The following RAB11FIP2 variants were observed in gnomAD, a reference collection of about 807,000 sequenced individuals.
The protein encoded by RAB11FIP2 is rab11 family-interacting protein 2.
A neutral mutation model predicts 40.9 loss-of-function variants in RAB11FIP2; 16 were observed. That is an observed-to-expected ratio of 0.39 (90% CI 0.26 to 0.59). The LOEUF is 0.59. Ranked by LOEUF, RAB11FIP2 falls within the 20% of genes least tolerant of loss-of-function variation. The pLI, the probability that RAB11FIP2 is intolerant of heterozygous loss-of-function variation, is 0.53. For missense variants in RAB11FIP2, 532 were observed against 606.2 expected, an observed-to-expected ratio of 0.88 and a Z score of 1.28; for synonymous variants, 228 against 213.7, an observed-to-expected ratio of 1.07 and a Z score of -0.58.
At chr10:118,032,884 C>T (rs374802610) in intron 3 of RAB11FIP2, among the ~76,000 whole-genome samples, 38 of 152,146 alleles carry the variant, frequency 2.5e-4, no homozygotes, top group African/African-American at 4.3e-4. Context: ...GTAGCCATCT[C>T]GGCTATCAGG....
At chr10:118,044,000 A>G (rs1846594974) in intron 1 of RAB11FIP2, among the ~76,000 whole-genome samples, 1 of 152,246 alleles carries the variant, frequency 6.6e-6, no homozygotes, top group African/African-American at 2.4e-5. Context: ...TTTGAATGCA[A>G]TAACATCACA....
At chr10:118,009,279 T>A in intron 4 of RAB11FIP2, 54 bp from the exon 5 acceptor site, 1 of 1,469,542 alleles carries the variant, frequency 6.8e-7, no homozygotes, top group South Asian at 1.2e-5. Flanking sequence ...GGGACAAACA[T>A]TAAGAATTAC....
chr10:118,039,626 A>AT, intron 2 of RAB11FIP2, 186 bp from the exon 3 acceptor site: 1 of 597,936 alleles, frequency 1.7e-6, no homozygotes, highest in South Asian at 2.1e-5. Context: ...ATCGAGGCTG[A>AT]TAACAACTAG....
At chr10:118,039,555 T>A in intron 2 of RAB11FIP2, 115 bp from the exon 3 acceptor site, 1 of 864,522 alleles carries the variant, frequency 1.2e-6, no homozygotes, top group Non-Finnish European at 1.8e-6. Flanking sequence ...CACTTAAATG[T>A]ATTAACCTTC....
chr10:118,040,625 T>C (rs1037960238), intron 1 of RAB11FIP2, 60 bp from the exon 2 acceptor site: 1 of 1,235,996 alleles, frequency 8.1e-7, no homozygotes, highest in Non-Finnish European at 1.1e-6. Context: ...TACTGAGTTC[T>C]GTTACATACA....
Position 118,040,222 on chromosome 10 carries a change from C to T in RAB11FIP2, c.697G>A (p.Gly233Arg). ...SSAHSMSDLS[G>R]SHMSSEKLKA... ...AGTTTCTCAGAAGACATATGGGACC[C>T]AGATAAATCAGACATTGAATGCGCT... The change falls in exon 2 of 5, where the codon GGG becomes AGG. Residue 233 changes from glycine to arginine, a missense_variant. Transcript: ENST00000355624. 6.2e-7 allele frequency: 1 copy of T among 1,613,788 alleles called. No individual in the cohort carries two copies. The highest frequency in any genetic ancestry group is 8.5e-7 in the Non-Finnish European group (1 of 1,179,804).
At chr10:118,026,599 T>C (rs1306759002) in intron 3 of RAB11FIP2, among the ~76,000 whole-genome samples, 2 of 152,224 alleles carry the variant, frequency 1.3e-5, no homozygotes, top group African/African-American at 2.4e-5. Flanking sequence ...AGCCTTTATC[T>C]TTCTTACTAT....
chr10:118,008,953 T>G lies in RAB11FIP2; in HGVS notation c.*45A>C, dbSNP rs753860050. ...AAGTTTTTCCTTCCTTCCTTCTTTC[T>G]TTCTCTCTCTTTGTCCAATTATCAA... On this transcript the variant is annotated 3_prime_UTR_variant, in exon 5 of 5. Transcript: ENST00000355624. 1 of 1,478,364 alleles carries G rather than the reference T, an allele frequency of 6.8e-7. No homozygotes were observed. The allele number at this position is 1,478,364 out of a possible 1,614,324, so 91.6% of individuals were successfully genotyped here.
intron 3 of RAB11FIP2, among the ~76,000 whole-genome samples, chr10:118,030,972 T>C (rs1231671219): frequency 6.6e-6 from 1 of 152,120 alleles, no homozygotes; most frequent in Non-Finnish European, 1.5e-5. Flanking sequence ...GCATACTTCG[T>C]GTTTATAGTC....
chr10:118,039,595 T>G, intron 2 of RAB11FIP2, 155 bp from the exon 3 acceptor site: 2 of 672,388 alleles, frequency 3.0e-6, no homozygotes, highest in South Asian at 3.9e-5. Flanking sequence ...CTTAAAATGC[T>G]AAGGTGTAGC....
intron 3 of RAB11FIP2, among the ~76,000 whole-genome samples, chr10:118,030,056 G>C (rs535173167): frequency 2.0e-5 from 3 of 152,236 alleles, no homozygotes; most frequent in African/African-American, 7.2e-5. Context: ...AATTTTAGCC[G>C]ACAAGTCACA....
In RAB11FIP2 at chr10:118,030,346, G is replaced by A. The variant is rs188644471; in HGVS notation, c.1265+8626C>T. 1.2e-3 allele frequency among the ~76,000 whole-genome samples: 185 copies of A among 152,224 alleles called. 1 individual carries two copies. The highest frequency in any genetic ancestry group is 4.3e-3 in the African/African-American group (179 of 41,560). Reference sequence around the variant, plus strand: ...GAAACCTCAAGAGGGCTTACATGCTGTATCTTATATTTGATCATATCATAA... The same window carrying A: ...GAAACCTCAAGAGGGCTTACATGCTATATCTTATATTTGATCATATCATAA... On this transcript the variant is annotated intron_variant, in intron 3 of 4. Coordinates refer to ENST00000355624, the MANE Select transcript of RAB11FIP2 (RefSeq NM_014904.3).
Position 118,046,174 on chromosome 10 carries a change from TTCTCTGCCCCC to T in RAB11FIP2, c.-22_-12del. 1 of 1,608,758 alleles carries T rather than the reference TTCTCTGCCCCC, an allele frequency of 6.2e-7. No homozygotes were observed. The highest frequency in any genetic ancestry group is 8.5e-7 in the Non-Finnish European group (1 of 1,176,554). Reference sequence around the variant, plus strand: ...CTCGGACAGCATCATCCTGTCCTGTTTCTCTGCCCCCGAGTTCCCTAGCACAGGCAGTGCCC... The same window carrying T: ...CTCGGACAGCATCATCCTGTCCTGTTGAGTTCCCTAGCACAGGCAGTGCCC... On this transcript the variant is annotated 5_prime_UTR_variant, in exon 1 of 5. Coordinates refer to ENST00000355624, the MANE Select transcript of RAB11FIP2 (RefSeq NM_014904.3).
At chr10:118,024,785 A>G (rs1379755611) in intron 3 of RAB11FIP2, among the ~76,000 whole-genome samples, 1 of 152,122 alleles carries the variant, frequency 6.6e-6, no homozygotes. Flanking sequence ...AAGCATCCCA[A>G]GCTGGCTCTG....
At chr10:118,027,905 A>C (rs1038392759) in intron 3 of RAB11FIP2, among the ~76,000 whole-genome samples, 1 of 152,186 alleles carries the variant, frequency 6.6e-6, no homozygotes, top group South Asian at 2.1e-4. Flanking sequence ...TCCATGGTCA[A>C]GATCAAGCTC....
At chr10:118,020,925 T>G (rs1268200280) in intron 3 of RAB11FIP2, among the ~76,000 whole-genome samples, 1 of 152,226 alleles carries the variant, frequency 6.6e-6, no homozygotes, top group African/African-American at 2.4e-5. Context: ...AAATAATTAC[T>G]CATATGAATT....
intron 3 of RAB11FIP2, among the ~76,000 whole-genome samples, chr10:118,027,328 CTAT>C (rs1463293245): frequency 6.6e-6 from 1 of 152,144 alleles, no homozygotes; most frequent in African/African-American, 2.4e-5. Context: ...TCAGAATATC[CTAT>C]TATTAGTATT....
At chr10:118,042,858 T>G (rs1202968282) in intron 1 of RAB11FIP2, among the ~76,000 whole-genome samples, 1 of 152,190 alleles carries the variant, frequency 6.6e-6, no homozygotes. Context: ...CAAAGAACTT[T>G]TACAAATATA....
At chr10:118,038,883 G>T in intron 3 of RAB11FIP2, 89 bp downstream of exon 3, 2 of 858,414 alleles carry the variant, frequency 2.3e-6, no homozygotes, top group Non-Finnish European at 3.5e-6. Context: ...AAAATGACTT[G>T]AAAATATTCT....
Sources: gnomAD v4.1 joint callset for allele counts (sites outside exome capture counted in the v4.1 genomes callset) on GRCh38, gnomAD v4.1.1 for gene constraint, MANE v1.5 for transcripts, NCBI Gene and HGNC (gene_info 2026-07-23, HGNC 2026-07-21) for gene names.